KIF1B: variants seen among roughly 807,000 people sequenced by gnomAD.
KIF1B encodes the protein kinesin family member 1B.
Under a neutral mutation model 241.9 loss-of-function variants are expected in KIF1B, and 76 were observed. That is an observed-to-expected ratio of 0.31 (90% CI 0.26 to 0.38). KIF1B has a LOEUF of 0.38. KIF1B is among the 10% of genes least tolerant of loss of function. KIF1B has a pLI of 1.00. For missense variants in KIF1B, 1,622 were observed against 2,271.4 expected, an observed-to-expected ratio of 0.71 and a Z score of 5.81; for synonymous variants, 750 against 796.7, an observed-to-expected ratio of 0.94 and a Z score of 0.99.
chr1:10,235,997 G>A (rs1647046450), intron 2 of KIF1B, among the ~76,000 whole-genome samples: 1 of 151,952 alleles, frequency 6.6e-6, no homozygotes, highest in Admixed American at 6.6e-5. Context: ...TTTGGGCCGG[G>A]CACGGTGGCT....
intron 1 of KIF1B, among the ~76,000 whole-genome samples, chr1:10,227,311 G>A (rs932515750): frequency 6.6e-6 from 1 of 152,096 alleles, no homozygotes; most frequent in Non-Finnish European, 1.5e-5. Context: ...AGGATGACAG[G>A]CGTGAGCCAC....
At chr1:10,316,542 C>G (rs938580479) in intron 22 of KIF1B, among the ~76,000 whole-genome samples, 1 of 151,504 alleles carries the variant, frequency 6.6e-6, no homozygotes, top group Non-Finnish European at 1.5e-5. Flanking sequence ...GCTCTGTAGC[C>G]CAGGCTGGAG....
Position 10,374,715 on chromosome 1 carries a change from A to G in KIF1B, c.5097-139A>G, listed in dbSNP as rs1448111289. 1.0e-6 allele frequency: 1 copy of G among 959,530 alleles called. No homozygotes were observed. The highest frequency in any genetic ancestry group is 1.6e-6 in the Non-Finnish European group (1 of 610,050). 59.4% of individuals were successfully genotyped at this position (959,530 alleles called of 1,614,324 possible). On this transcript the variant is annotated intron_variant, in intron 46 of 48. Transcript: ENST00000676179. This position sits in a 1 kb window ranked among gnomAD's most constrained non-coding sequence, Gnocchi z 4.3. ...CTTTTGCCGTATTACTTTGGCAGAT[A>G]AGATTCTAGGCCAAATAGGTCATTT...
Position 10,361,025 on chromosome 1 carries a change from C to T in KIF1B, c.4152C>T (p.Thr1384=), listed in dbSNP as rs1638408043. ...CCTATGGAGAAAAGATCTACATGAC[C>T]TTGTCGGCCTACCTAGAGGTGAGGA... ...VTPYGEKIYM[T]LSAYLELDHC... is the part of the protein sequence containing the mutation. Residue 1384 remains threonine (T), a synonymous_variant, in exon 39 of 49, where the codon ACC becomes ACT. Coordinates refer to ENST00000676179, the MANE Select transcript of KIF1B (RefSeq NM_001365951.3). The T allele has an allele frequency of 2.5e-6, 4 of 1,612,334 alleles. No individual in the cohort carries two copies. The highest frequency in any genetic ancestry group is 1.3e-5 in the African/African-American group (1 of 74,872).
chr1:10,269,774 C>T (rs1461099508), intron 7 of KIF1B, among the ~76,000 whole-genome samples: 1 of 152,002 alleles, frequency 6.6e-6, no homozygotes, highest in African/African-American at 2.4e-5. Context: ...GCTGAGGTTG[C>T]GCCATTGCAC....
In KIF1B at chr1:10,345,839, T is replaced by C; in HGVS notation, c.3689-6T>C. The C allele has an allele frequency of 6.2e-7, 1 of 1,613,082 alleles. No homozygotes were observed. Among genetic ancestry groups the C allele is most frequent in the South Asian group, 1.1e-5 (1 of 91,010 alleles). On this transcript the variant is annotated splice_polypyrimidine_tract_variant and splice_region_variant and intron_variant, in intron 34 of 48. Transcript: ENST00000676179. ...GATTTTGACATACTCTAAAAACTTT[T>C]AAAAGTTCCAGCCACCAAGTTAAAC... is the stretch of plus-strand genomic sequence containing the variant.
rs1185263225 is a variant in KIF1B, at chr1:10,239,932, A to AT, written c.106+7505dup. Among the ~76,000 whole-genome samples, 401 of 151,736 alleles carry AT rather than the reference A, an allele frequency of 2.6e-3. 2 individuals are homozygous for AT. Among genetic ancestry groups the AT allele is most frequent in the African/African-American group, 8.8e-3 (366 of 41,360 alleles). On this transcript the variant is annotated intron_variant, in intron 2 of 48. Coordinates refer to ENST00000676179, the MANE Select transcript of KIF1B (RefSeq NM_001365951.3). ...AAGCACCCGCCACCATGCCTGGCTA[A>AT]TTTTTTTGTATTTTTAGTAGAGATG...
At position 10,304,417 on chromosome 1, in the gene KIF1B, G is replaced by T; in HGVS notation, c.2115+7171G>T. ...CGCGGAGTCATTAAACTCCCACAGTGGTCACCCCACTGCTGATGTACAGAC... is the reference window on the plus strand; with the variant it reads ...CGCGGAGTCATTAAACTCCCACAGTTGTCACCCCACTGCTGATGTACAGAC... On this transcript the variant is annotated intron_variant, in intron 22 of 48. Transcript: ENST00000676179. The T allele has an allele frequency of 3.7e-6, 6 of 1,613,950 alleles. No homozygotes were observed. Among genetic ancestry groups the T allele is most frequent in the Non-Finnish European group, 5.1e-6 (6 of 1,179,884 alleles).
At chr1:10,219,231 G>T (rs966662885) in intron 1 of KIF1B, among the ~76,000 whole-genome samples, 1 of 152,140 alleles carries the variant, frequency 6.6e-6, no homozygotes, top group African/African-American at 2.4e-5. Context: ...GGAGGCCGAG[G>T]CTGGTGCATC....
intron 1 of KIF1B, among the ~76,000 whole-genome samples, chr1:10,217,925 C>T (rs538572336): frequency 1.8e-4 from 27 of 152,176 alleles, no homozygotes; most frequent in Non-Finnish European, 3.2e-4. Context: ...TTTTTGTTCA[C>T]GGATTATTTT....
At chr1:10,319,459 G>A (rs1224594446) in intron 22 of KIF1B, among the ~76,000 whole-genome samples, 1 of 152,120 alleles carries the variant, frequency 6.6e-6, no homozygotes, top group African/African-American at 2.4e-5. Flanking sequence ...ATAACTAAAT[G>A]CAGTCTATAA....
chr1:10,258,463 G>T (rs373816537), intron 3 of KIF1B, 30 bp from the exon 4 acceptor site: 61 of 1,594,468 alleles, frequency 3.8e-5, no homozygotes, highest in Non-Finnish European at 5.2e-5. Context: ...TTAATAAAAG[G>T]TTATTTATTT....
chr1:10,372,206 T>A (rs1638750983), intron 45 of KIF1B, among the ~76,000 whole-genome samples: 1 of 152,080 alleles, frequency 6.6e-6, no homozygotes, highest in South Asian at 2.1e-4. Flanking sequence ...GACAACTAAC[T>A]TAAGCATGCC....
intron 22 of KIF1B, among the ~76,000 whole-genome samples, chr1:10,317,670 A>G (rs1651358454): frequency 6.6e-6 from 1 of 151,276 alleles, no homozygotes; most frequent in Non-Finnish European, 1.5e-5. Flanking sequence ...TCTCTACTAA[A>G]AATACAAAAA....
intron 2 of KIF1B, 126 bp downstream of exon 2, chr1:10,232,560 G>C: frequency 1.4e-6 from 1 of 722,100 alleles, no homozygotes; most frequent in South Asian, 1.5e-5. Context: ...TATTCTGAAT[G>C]ATCCATTGAA....
At chr1:10,304,382 C>T in intron 22 of KIF1B, 11 of 1,614,226 alleles carry the variant, frequency 6.8e-6, no homozygotes, top group Non-Finnish European at 8.5e-6. Flanking sequence ...CGCTGCCAGG[C>T]ATCTGCCTCC....
intron 44 of KIF1B, among the ~76,000 whole-genome samples, chr1:10,369,475 A>T (rs1029789099): frequency 6.6e-6 from 1 of 152,196 alleles, no homozygotes; most frequent in Admixed American, 6.5e-5. Flanking sequence ...CTACAAAAAA[A>T]TTTTTGAAAA....
intron 6 of KIF1B, 42 bp downstream of exon 6, chr1:10,267,600 T>C: frequency 6.3e-7 from 1 of 1,593,474 alleles, no homozygotes; most frequent in Non-Finnish European, 8.6e-7. Context: ...CTTTGGCACC[T>C]TTTGAGGTCC....
chr1:10,352,764 G>A, intron 38 of KIF1B, 28 bp downstream of exon 38: 1 of 1,516,406 alleles, frequency 6.6e-7, no homozygotes, highest in Non-Finnish European at 9.2e-7. Context: ...GTGTGAAGAA[G>A]TCCACACTTG....
Sources: gnomAD v4.1 joint callset for allele counts (sites outside exome capture counted in the v4.1 genomes callset) on GRCh38, gnomAD v4.1.1 for gene constraint, Gnocchi (gnomAD v3.1) non-coding constraint, MANE v1.5 for transcripts, NCBI Gene and HGNC (gene_info 2026-07-23, HGNC 2026-07-21) for gene names.